The following PPP2R1A variants were observed in gnomAD, a reference collection of about 807,000 sequenced individuals.
PPP2R1A encodes protein phosphatase 2 scaffold subunit Aalpha.
In PPP2R1A, 15 loss-of-function variants were observed where a neutral mutation model predicts 67.1. The ratio of observed to expected loss-of-function variants is 0.22; its 90% confidence interval spans 0.15 to 0.34. PPP2R1A has a LOEUF of 0.34. PPP2R1A is among the 10% of genes least tolerant of loss of function. The pLI, the probability that PPP2R1A is intolerant of heterozygous loss-of-function variation, is 1.00. For synonymous variants in PPP2R1A, 337 were observed against 325.0 expected, an observed-to-expected ratio of 1.04 and a Z score of -0.40; for missense variants, 369 against 775.0, an observed-to-expected ratio of 0.48 and a Z score of 6.22.
rs1045800330 is a variant in PPP2R1A at position 52,190,192 on chromosome 19, G to T, written c.78+18G>T. 2 of 1,549,916 alleles carry T rather than the reference G, an allele frequency of 1.3e-6. No individual in the cohort carries two copies. The highest frequency in any genetic ancestry group is 1.7e-4 in the Middle Eastern group (1 of 5,982). ...ACGTTCAGGTCCGGAGGCTACGGGG[G>T]ACTTGGGGAAGACGCGGAGGGGTAC... On this transcript the variant is annotated intron_variant, in intron 1 of 14. Coordinates refer to ENST00000322088, the MANE Select transcript of PPP2R1A (RefSeq NM_014225.6).
At chr19:52,206,167 C>T (rs1009624270) in intron 3 of PPP2R1A, 104 bp downstream of exon 3, 7 of 975,304 alleles carry the variant, frequency 7.2e-6, no homozygotes, top group South Asian at 4.5e-5. Flanking sequence ...GTGGGGATCA[C>T]GTCAGAACAG....
Position 52,222,126 on chromosome 19 carries a change from A to G in PPP2R1A, c.1546A>G (p.Ile516Val), listed in dbSNP as rs1236053914. 3 of 1,613,704 alleles carry G rather than the reference A, an allele frequency of 1.9e-6. No homozygotes were observed. Among genetic ancestry groups the G allele is most frequent in the East Asian group, 2.2e-5 (1 of 44,878 alleles). The change falls in exon 13 of 15, where the codon ATC (isoleucine) becomes GTC (valine). Residue 516 changes from isoleucine to valine, a missense_variant. Ile to Val is a conservative substitution (Grantham distance 29, BLOSUM62 3). Around this residue, in one of 2 missense-constraint regions of PPP2R1A, gnomAD observed 276 missense variants for 508.4 expected, o/e 0.54. Coordinates refer to ENST00000322088, the MANE Select transcript of PPP2R1A (RefSeq NM_014225.6). ...GCTGTCTGAGGTCTGTGGGCAGGACATCACCACCAAGCACATGCTACCCAC... is the reference window on the plus strand; with the variant it reads ...GCTGTCTGAGGTCTGTGGGCAGGACGTCACCACCAAGCACATGCTACCCAC... Reference protein sequence around the residue: ...NVLSEVCGQDITTKHMLPTVL... With the variant: ...NVLSEVCGQDVTTKHMLPTVL...
chr19:52,192,368 C>T lies in PPP2R1A; in HGVS notation c.78+2194C>T, dbSNP rs535486085. Among the ~76,000 whole-genome samples the T allele has an allele frequency of 5.9e-5, 9 of 151,474 alleles. No homozygotes were observed. In the East Asian group the frequency reaches 1.2e-3, roughly 20 times the overall value. On this transcript the variant is annotated intron_variant, in intron 1 of 14. Coordinates refer to ENST00000322088, the MANE Select transcript of PPP2R1A (RefSeq NM_014225.6). ...TGTTTCCCAGGCTGGAGTGCACTGA[C>T]GCGATCTTTGCTCACTGCAACCTCC...
chr19:52,195,838 AG>A (rs1187686475), intron 1 of PPP2R1A, among the ~76,000 whole-genome samples: 1 of 152,148 alleles, frequency 6.6e-6, no homozygotes, highest in Non-Finnish European at 1.5e-5. Flanking sequence ...TGAAGTTCCC[AG>A]GCCCTGTCCT....
In PPP2R1A at chr19:52,192,266, C is replaced by T. The variant is rs146811595; in HGVS notation, c.78+2092C>T. On this transcript the variant is annotated intron_variant, in intron 1 of 14. Coordinates refer to ENST00000322088, the MANE Select transcript of PPP2R1A (RefSeq NM_014225.6). ...AGATTGAAAGAAGGTGGGGGAGAGCCTCCCAGGAAGAGGGAACAGATATGT... is the reference window on the plus strand; with the variant it reads ...AGATTGAAAGAAGGTGGGGGAGAGCTTCCCAGGAAGAGGGAACAGATATGT... Among the ~76,000 whole-genome samples the T allele has an allele frequency of 4.6e-5, 7 of 151,444 alleles. No homozygotes were observed. The East Asian group carries it at 1.4e-3, about 29-fold the overall frequency.
rs774757700 is a variant in PPP2R1A, at chr19:52,219,978, C to T, written c.1302+114C>T. On this transcript the variant is annotated intron_variant, in intron 10 of 14. Coordinates refer to ENST00000322088, the MANE Select transcript of PPP2R1A (RefSeq NM_014225.6). This position sits in a 1 kb window ranked among gnomAD's most constrained non-coding sequence, Gnocchi z 4.0. ...GGCTTAGTGGAGGCTGTGACAACTG[C>T]CTGGGGAGTCGAAGGAAGGGACCCA... 6.7e-5 allele frequency: 92 copies of T among 1,369,996 alleles called. No individual in the cohort carries two copies. Among genetic ancestry groups the T allele is most frequent in the Non-Finnish European group, 2.4e-5 (24 of 1,017,536 alleles). The allele number at this position is 1,369,996 out of a possible 1,614,324, so 84.9% of individuals were successfully genotyped here. A position where few individuals can be genotyped will look rare whatever the true frequency, so the allele number is the denominator to read the frequency against.
In PPP2R1A at chr19:52,221,519, G is replaced by C. The variant is rs1223764038; in HGVS notation, c.1518+386G>C. 3.3e-5 allele frequency among the ~76,000 whole-genome samples: 5 copies of C among 152,094 alleles called. No homozygotes were observed. The South Asian group carries it at 1.0e-3, about 32-fold the overall frequency. On this transcript the variant is annotated intron_variant, in intron 12 of 14. Transcript: ENST00000322088. ...TAAATTCTGGTACTGCCATATATTA[G>C]CTATGGACCTTGGATAGTTACCTAA...
In PPP2R1A at chr19:52,213,648, A is replaced by G. The variant is rs1455607242; in HGVS notation, c.807+538A>G. Among the ~76,000 whole-genome samples the G allele has an allele frequency of 6.6e-6, 1 of 151,368 alleles. No individual in the cohort carries two copies. The highest frequency in any genetic ancestry group is 1.5e-5 in the Non-Finnish European group (1 of 67,816). Reference sequence around the variant, plus strand: ...CAGATGCCCACCACGACACCCGGCTAGTTTTTGTATTTTTATTAGAGACGG... The same window carrying G: ...CAGATGCCCACCACGACACCCGGCTGGTTTTTGTATTTTTATTAGAGACGG... On this transcript the variant is annotated intron_variant, in intron 6 of 14. Transcript: ENST00000322088. The surrounding 1 kb of genome is among the most constrained non-coding windows in gnomAD (Gnocchi z 4.2).
At chr19:52,204,006 A>G (rs542352702) in intron 2 of PPP2R1A, among the ~76,000 whole-genome samples, 5 of 152,304 alleles carry the variant, frequency 3.3e-5, no homozygotes, top group South Asian at 2.1e-4. Context: ...AAGAACCTCT[A>G]TGTGTTTCAC....
rs139139629 is a variant in PPP2R1A, at chr19:52,219,804, C to T, written c.1242C>T (p.Asp414=). 499 of 1,613,922 alleles carry T rather than the reference C, an allele frequency of 3.1e-4. 4 individuals are homozygous for T. The highest frequency in any genetic ancestry group is 9.3e-5 in the Non-Finnish European group (110 of 1,180,046). Residue 414 remains aspartate, a synonymous_variant, in exon 10 of 15, where the codon GAC becomes GAT. Transcript: ENST00000322088. The surrounding 1 kb of genome is among the most constrained non-coding windows in gnomAD (Gnocchi z 4.0). ...LLPAIVELAE[D]AKWRVRLAII... ...CTGCCATTGTGGAGCTGGCTGAGGA[C>T]GCCAAGTGGCGGGTGCGGCTGGCCA...
chr19:52,190,264 G>T (rs532715693), intron 1 of PPP2R1A, 90 bp downstream of exon 1: 1 of 1,450,406 alleles, frequency 6.9e-7, no homozygotes, highest in Non-Finnish European at 9.4e-7. Flanking sequence ...CGTTCGCTGG[G>T]AGTGGCGGAA....
intron 1 of PPP2R1A, 154 bp downstream of exon 1, chr19:52,190,328 C>G (rs112000537): frequency 1.2e-6 from 1 of 865,460 alleles, no homozygotes; most frequent in African/African-American, 1.7e-5. Context: ...GCCCGGACTC[C>G]TTGAGACGGC....
At chr19:52,214,322 G>A (rs888177070) in intron 6 of PPP2R1A, among the ~76,000 whole-genome samples, 2 of 152,108 alleles carry the variant, frequency 1.3e-5, no homozygotes, top group Non-Finnish European at 2.9e-5. Context: ...GGCGCCCTTT[G>A]CCTTTAATTA....
chr19:52,206,158 T>C, intron 3 of PPP2R1A, 95 bp downstream of exon 3: 2 of 1,111,676 alleles, frequency 1.8e-6, no homozygotes, highest in East Asian at 2.4e-5. Flanking sequence ...TCAGAGAGCG[T>C]GGGGATCACG....
At chr19:52,200,550 T>C (rs1173409923) in intron 1 of PPP2R1A, among the ~76,000 whole-genome samples, 1 of 152,224 alleles carries the variant, frequency 6.6e-6, no homozygotes, top group Non-Finnish European at 1.5e-5. Context: ...CCAAATATAA[T>C]AGTTCTCTAG....
Position 52,213,227 on chromosome 19 carries a change from A to T in PPP2R1A, c.807+117A>T. 1 of 1,282,592 alleles carries T rather than the reference A, an allele frequency of 7.8e-7. No homozygotes were observed. The allele number at this position is 1,282,592 out of a possible 1,614,324, so 79.5% of individuals were successfully genotyped here. A position where few individuals can be genotyped will look rare whatever the true frequency, so the allele number is the denominator to read the frequency against. On this transcript the variant is annotated intron_variant, in intron 6 of 14. Transcript: ENST00000322088. This position sits in a 1 kb window ranked among gnomAD's most constrained non-coding sequence, Gnocchi z 4.2. The stretch of plus-strand genomic sequence containing the variant: ...GATGGAACCATTGGGCGTTTGAGCA[A>T]TAAGATCTCTATGATCATCTAACTG...
chr19:52,206,853 GC>G (rs1248379273), intron 3 of PPP2R1A, among the ~76,000 whole-genome samples: 1 of 152,128 alleles, frequency 6.6e-6, no homozygotes, highest in Non-Finnish European at 1.5e-5. Flanking sequence ...CACTGCTGCT[GC>G]CTCTGCCTCT....
chr19:52,194,647 G>A (rs2089482483), intron 1 of PPP2R1A, among the ~76,000 whole-genome samples: 2 of 152,098 alleles, frequency 1.3e-5, no homozygotes, highest in Admixed American at 1.3e-4. Flanking sequence ...TAATGTAGAG[G>A]GAAGAGTTGA....
intron 13 of PPP2R1A, among the ~76,000 whole-genome samples, chr19:52,225,313 C>T (rs1023675207): frequency 1.3e-5 from 2 of 152,078 alleles, no homozygotes; most frequent in South Asian, 4.1e-4. Context: ...TGAGCCACCA[C>T]GTCCGGCCTG....
Sources: gnomAD v4.1 joint callset for allele counts (sites outside exome capture counted in the v4.1 genomes callset) on GRCh38, gnomAD v4.1.1 for gene constraint, gnomAD v4.1.1 regional missense constraint, Gnocchi (gnomAD v3.1) non-coding constraint, MANE v1.5 for transcripts, NCBI Gene and HGNC (gene_info 2026-07-23, HGNC 2026-07-21) for gene names.